The following SCHIP1 variants were observed in gnomAD, a reference collection of about 807,000 sequenced individuals.
The protein encoded by SCHIP1 is schwannomin-interacting protein 1.
In SCHIP1, 8 loss-of-function variants were observed where a neutral mutation model predicts 29.7. That is an observed-to-expected ratio of 0.27 (90% confidence interval 0.16 to 0.49). The LOEUF is 0.49. Ranked by LOEUF, SCHIP1 falls within the 20% of genes least tolerant of loss-of-function variation. The pLI, the probability that SCHIP1 is intolerant of heterozygous loss-of-function variation, is 0.99. For missense variants in SCHIP1, 193 were observed against 294.6 expected (o/e 0.66, Z 2.52); for synonymous variants, 76 against 94.9 (o/e 0.80, Z 1.16).
the SCHIP1 span, among the ~76,000 whole-genome samples, chr3:159,413,307 G>T: frequency 6.6e-6 from 1 of 152,184 alleles, no homozygotes; most frequent in African/African-American, 2.4e-5. Context: ...AGGCTGCAGG[G>T]CTAAGCAGAG....
the SCHIP1 span, among the ~76,000 whole-genome samples, chr3:159,794,949 C>T: frequency 6.6e-6 from 1 of 152,144 alleles, no homozygotes; most frequent in Non-Finnish European, 1.5e-5. Context: ...CTGGGACCCA[C>T]TCCTAGAGAT....
the SCHIP1 span, among the ~76,000 whole-genome samples, chr3:159,573,745 C>T: frequency 2.0e-5 from 3 of 152,170 alleles, no homozygotes; most frequent in Non-Finnish European, 4.4e-5. Flanking sequence ...TTCAGATAAA[C>T]CAATCAAATG....
chr3:159,477,681 C>T, the SCHIP1 span, among the ~76,000 whole-genome samples: 10 of 152,216 alleles, frequency 6.6e-5, no homozygotes, highest in Non-Finnish European at 1.3e-4. Context: ...ATGTTAACCC[C>T]TTATCAAATG....
chr3:159,653,092 A>T, the SCHIP1 span, among the ~76,000 whole-genome samples: 1 of 152,276 alleles, frequency 6.6e-6, no homozygotes, highest in African/African-American at 2.4e-5. Flanking sequence ...TACTGTTTGG[A>T]TGCTGGCAAG....
chr3:159,612,516 G>A, the SCHIP1 span, among the ~76,000 whole-genome samples: 1 of 152,186 alleles, frequency 6.6e-6, no homozygotes, highest in Non-Finnish European at 1.5e-5. Context: ...CGAGGCCAAG[G>A]AGGGCAGATT....
chr3:159,427,725 C>T, the SCHIP1 span, among the ~76,000 whole-genome samples: 1 of 152,010 alleles, frequency 6.6e-6, no homozygotes, highest in East Asian at 1.9e-4. Flanking sequence ...AAAAAAGAGC[C>T]CGCATCACCG....
At chr3:159,693,586 C>A in the SCHIP1 span, among the ~76,000 whole-genome samples, 1 of 152,086 alleles carries the variant, frequency 6.6e-6, no homozygotes, top group Non-Finnish European at 1.5e-5. Context: ...ATCTATAAGA[C>A]GAACTGGAGA....
the SCHIP1 span, among the ~76,000 whole-genome samples, chr3:159,626,243 TCTATCTATATAG>T: frequency 4.5e-3 from 506 of 111,954 alleles, 22 homozygotes; most frequent in African/African-American, 0.021. Context: ...GATATATCTA[TCTATCTATATAG>T]ATAGATAGAT....
At chr3:159,826,080 T>C in the SCHIP1 span, among the ~76,000 whole-genome samples, 10,266 of 152,236 alleles carry the variant, frequency 0.067, 1,093 homozygotes, top group African/African-American at 0.23. Flanking sequence ...ATTTAGGATT[T>C]TATCCTAAAT....
At chr3:159,455,656 A>C in the SCHIP1 span, among the ~76,000 whole-genome samples, 29 of 152,334 alleles carry the variant, frequency 1.9e-4, no homozygotes, top group Admixed American at 3.9e-4. Flanking sequence ...GCTGACATGA[A>C]AATAATGATA....
rs377750078 is a variant in SCHIP1, at chr3:159,886,334, A to T, written c.267+10A>T. ...CCCCTTGTCTCCCATGGTGAGTCCA[A>T]ACAGCACCAGCTGAAGCTCGGTGTT... On this transcript the variant is annotated intron_variant, in intron 3 of 6. Transcript: ENST00000445224. 43 of 1,612,138 alleles carry T rather than the reference A, an allele frequency of 2.7e-5. No individual in the cohort carries two copies. The African/African-American group carries it at 4.8e-4, about 18-fold the overall frequency.
At chr3:159,302,485 G>C in the SCHIP1 span, among the ~76,000 whole-genome samples, 3 of 152,272 alleles carry the variant, frequency 2.0e-5, no homozygotes, top group African/African-American at 7.2e-5. Flanking sequence ...TAATATCAGT[G>C]CTGTAAAATG....
the SCHIP1 span, among the ~76,000 whole-genome samples, chr3:159,415,017 G>T: frequency 6.6e-6 from 1 of 152,260 alleles, no homozygotes; most frequent in Non-Finnish European, 1.5e-5. Flanking sequence ...TGCCTTAAAT[G>T]ATTATAGCCT....
At chr3:159,556,312 TG>T in the SCHIP1 span, among the ~76,000 whole-genome samples, 2 of 152,068 alleles carry the variant, frequency 1.3e-5, no homozygotes, top group African/African-American at 4.8e-5. Context: ...ACTTTTACAC[TG>T]TTAGTGGGAC....
intron 1 of SCHIP1, among the ~76,000 whole-genome samples, chr3:159,860,120 C>T (rs917066625): frequency 5.3e-5 from 8 of 152,136 alleles, no homozygotes; most frequent in South Asian, 4.1e-4. Context: ...TTCTGGGCCA[C>T]GGGGGACCAG....
At chr3:159,780,337 C>T in the SCHIP1 span, among the ~76,000 whole-genome samples, 1,611 of 152,290 alleles carry the variant, frequency 0.011, 27 homozygotes, top group African/African-American at 0.037. Flanking sequence ...TGTCTGCCTC[C>T]TGTTGATTCT....
chr3:159,507,366 G>A, the SCHIP1 span, among the ~76,000 whole-genome samples: 61 of 152,286 alleles, frequency 4.0e-4, no homozygotes, highest in Non-Finnish European at 6.5e-4. Context: ...GAGATTTTGC[G>A]CTGAGTCGAT....
the SCHIP1 span, among the ~76,000 whole-genome samples, chr3:159,388,761 TATAAAA>T: frequency 4.7e-3 from 710 of 152,236 alleles, 6 homozygotes; most frequent in Non-Finnish European, 7.0e-3. Flanking sequence ...GGTTAACTCA[TATAAAA>T]AGAAATTTGT....
the SCHIP1 span, among the ~76,000 whole-genome samples, chr3:159,724,606 A>C: frequency 6.6e-6 from 1 of 152,186 alleles, no homozygotes; most frequent in African/African-American, 2.4e-5. Flanking sequence ...ATTTCACAAA[A>C]TCTTGCTATG....
Sources: allele counts gnomAD v4.1 joint callset (sites outside exome capture counted in the v4.1 genomes callset), GRCh38; gene constraint gnomAD v4.1.1; transcripts MANE v1.5; gene names NCBI Gene and HGNC (gene_info 2026-07-23, HGNC 2026-07-21).